Variants in SLC9A9 observed in about 807,000 individuals in gnomAD.
SLC9A9 encodes solute carrier family 9 member A9.
A neutral mutation model predicts 77.8 loss-of-function variants in SLC9A9; 62 were observed. That is an observed-to-expected ratio of 0.80 (90% CI 0.65 to 0.98). The LOEUF is 0.98. Among genes scored for constraint, SLC9A9 ranks in the 50% least tolerant of loss-of-function variants. The probability of loss-of-function intolerance (pLI) is 0.00; values close to 1 mark genes in which losing one functional copy is unlikely to be tolerated. For synonymous variants in SLC9A9, 320 were observed against 283.5 expected (o/e 1.13, Z -1.29); for missense variants, 775 against 774.9 (o/e 1.00, Z 0.00).
At chr3:143,798,191 T>A (rs1444564639) in intron 2 of SLC9A9, among the ~76,000 whole-genome samples, 1 of 152,204 alleles carries the variant, frequency 6.6e-6, no homozygotes, top group Non-Finnish European at 1.5e-5. Flanking sequence ...CTTCTCTTAA[T>A]TTCAGTTCCT....
chr3:143,832,214 T>A lies in SLC9A9; in HGVS notation c.183A>T (p.Ile61=). Residue 61 remains isoleucine, a synonymous_variant, in exon 2 of 16, where the codon ATA becomes ATT. Transcript: ENST00000316549. ...ETGGAMVYGL[I]MGLILRYATA... is the part of the protein sequence containing the mutation. ...TAGCATATCGTAAAATTAGTCCCAT[T>A]ATAAGGCCTAAAAAAAAAAGAATAA... 1.2e-6 allele frequency: 2 copies of A among 1,610,942 alleles called. No homozygotes were observed. The highest frequency in any genetic ancestry group is 1.7e-6 in the Non-Finnish European group (2 of 1,179,032).
chr3:143,722,814 C>T (rs373679711), intron 4 of SLC9A9, among the ~76,000 whole-genome samples: 1 of 152,210 alleles, frequency 6.6e-6, no homozygotes, highest in Admixed American at 6.5e-5. Flanking sequence ...GTTCTTTCTA[C>T]ATAAAGCTCA....
At chr3:143,315,115 T>C (rs928214594) in intron 14 of SLC9A9, among the ~76,000 whole-genome samples, 4 of 152,186 alleles carry the variant, frequency 2.6e-5, no homozygotes, top group African/African-American at 9.7e-5. Context: ...AATTGGGCAG[T>C]CTTAGAACAT....
At chr3:143,624,710 C>G (rs1341530890) in intron 6 of SLC9A9, among the ~76,000 whole-genome samples, 1 of 152,166 alleles carries the variant, frequency 6.6e-6, no homozygotes, top group African/African-American at 2.4e-5. Flanking sequence ...TGACACAAGA[C>G]AGGGATGCCC....
intron 14 of SLC9A9, among the ~76,000 whole-genome samples, chr3:143,357,301 C>T (rs2032619626): frequency 6.6e-6 from 1 of 152,248 alleles, no homozygotes; most frequent in South Asian, 2.1e-4. Context: ...TAGGGACCAC[C>T]TGTGATTTCA....
chr3:143,759,110 G>A (rs1309632118), intron 4 of SLC9A9, among the ~76,000 whole-genome samples: 1 of 152,112 alleles, frequency 6.6e-6, no homozygotes, highest in Non-Finnish European at 1.5e-5. Flanking sequence ...CTGAAGTCTT[G>A]TGAGTACTAA....
chr3:143,269,383 G>A (rs1052209461), intron 14 of SLC9A9, among the ~76,000 whole-genome samples: 3 of 152,172 alleles, frequency 2.0e-5, no homozygotes, highest in Admixed American at 1.3e-4. Context: ...AGATGCAAGA[G>A]GTATTTTATA....
At chr3:143,551,714 G>T (rs774736197) in intron 9 of SLC9A9, among the ~76,000 whole-genome samples, 3 of 152,176 alleles carry the variant, frequency 2.0e-5, no homozygotes, top group Non-Finnish European at 4.4e-5. Flanking sequence ...TAAAATTGTG[G>T]CAAGTTGTTT....
chr3:143,276,657 T>C lies in SLC9A9; in HGVS notation c.1605-7677A>G, dbSNP rs188845663. ...TCTTAAGCTGACTAGGAACTGTCCA[T>C]GAGTCAAACAATGTAGCTTAGAATT... On this transcript the variant is annotated intron_variant, in intron 14 of 15. Coordinates refer to ENST00000316549, the MANE Select transcript of SLC9A9 (RefSeq NM_173653.4). Among the ~76,000 whole-genome samples the C allele has an allele frequency of 2.1e-3, 318 of 151,768 alleles. 1 individual carries two copies. The highest frequency in any genetic ancestry group is 0.01 in the Middle Eastern group (3 of 294).
chr3:143,279,781 A>G (rs1470102958), intron 14 of SLC9A9, among the ~76,000 whole-genome samples: 1 of 152,110 alleles, frequency 6.6e-6, no homozygotes, highest in African/African-American at 2.4e-5. Flanking sequence ...TTCATGGTAT[A>G]TATGGGGCAT....
rs575042643 is a variant in SLC9A9, at chr3:143,556,258, AGG to A, written c.1001-3810_1001-3809del. 2.2e-3 allele frequency among the ~76,000 whole-genome samples: 336 copies of A among 152,206 alleles called. 2 individuals are homozygous for A. Among genetic ancestry groups the A allele is most frequent in the Admixed American group, 4.9e-3 (75 of 15,282 alleles). On this transcript the variant is annotated intron_variant, in intron 8 of 15. Transcript: ENST00000316549. ...ATTCTTGTGTGTAAGAAAGAGGGTG[AGG>A]GGGACCCTCAAGGGGCCTAGAAGTG...
intron 14 of SLC9A9, among the ~76,000 whole-genome samples, chr3:143,275,608 T>C (rs1051200502): frequency 1.3e-5 from 2 of 152,212 alleles, no homozygotes; most frequent in African/African-American, 4.8e-5. Flanking sequence ...GTTTATTCAC[T>C]TTCCTATTCC....
At chr3:143,795,572 T>C (rs1401277406) in intron 3 of SLC9A9, among the ~76,000 whole-genome samples, 1 of 152,166 alleles carries the variant, frequency 6.6e-6, no homozygotes, top group Non-Finnish European at 1.5e-5. Context: ...AAATAAACTT[T>C]AAAAATCTAC....
intron 12 of SLC9A9, among the ~76,000 whole-genome samples, chr3:143,396,555 C>T (rs1324894497): frequency 6.6e-6 from 1 of 152,090 alleles, no homozygotes; most frequent in Admixed American, 6.6e-5. Context: ...AACAAACCTG[C>T]ACGTTGTGTA....
intron 14 of SLC9A9, among the ~76,000 whole-genome samples, chr3:143,344,769 G>A (rs2032210638): frequency 6.6e-6 from 1 of 151,408 alleles, no homozygotes; most frequent in Non-Finnish European, 1.5e-5. Flanking sequence ...GCATGTAATT[G>A]TTTTTTTCAA....
At chr3:143,505,957 GA>G (rs1464191421) in intron 9 of SLC9A9, among the ~76,000 whole-genome samples, 1 of 152,080 alleles carries the variant, frequency 6.6e-6, no homozygotes, top group Non-Finnish European at 1.5e-5. Flanking sequence ...CATATTTCTG[GA>G]AGTTTTCCAC....
At chr3:143,416,797 G>A (rs974262628) in intron 12 of SLC9A9, among the ~76,000 whole-genome samples, 1 of 152,160 alleles carries the variant, frequency 6.6e-6, no homozygotes, top group Admixed American at 6.5e-5. Flanking sequence ...CATATTACAT[G>A]TGTATATCTG....
intron 6 of SLC9A9, among the ~76,000 whole-genome samples, chr3:143,645,865 C>T (rs907040398): frequency 2.6e-5 from 4 of 151,760 alleles, no homozygotes; most frequent in African/African-American, 9.7e-5. Context: ...TTATTGTCAT[C>T]CAAGAGTCAG....
At chr3:143,519,805 G>T (rs890261377) in intron 9 of SLC9A9, among the ~76,000 whole-genome samples, 4 of 152,110 alleles carry the variant, frequency 2.6e-5, no homozygotes, top group African/African-American at 9.7e-5. Flanking sequence ...GACCAAAGTT[G>T]GGATGTAAGA....
Sources: allele counts gnomAD v4.1 joint callset (sites outside exome capture counted in the v4.1 genomes callset), GRCh38; gene constraint gnomAD v4.1.1; transcripts MANE v1.5; gene names NCBI Gene and HGNC (gene_info 2026-07-23, HGNC 2026-07-21).